Variants in DDX17 observed in about 807,000 individuals in gnomAD.
DDX17 encodes DEAD-box helicase 17.
A neutral mutation model predicts 80.8 loss-of-function variants in DDX17; 10 were observed. The observed-to-expected ratio is 0.12, with a 90% CI of 0.08 to 0.21. The LOEUF is 0.21. Ranked by LOEUF, DDX17 falls within the 10% of genes least tolerant of loss-of-function variation. The pLI is 1.00. For synonymous variants in DDX17, 339 were observed against 336.2 expected, an observed-to-expected ratio of 1.01 and a Z score of -0.09; for missense variants, 586 against 957.4, an observed-to-expected ratio of 0.61 and a Z score of 5.12.
chr22:38,490,596 G>T, intron 11 of DDX17: 1 of 542,750 alleles, frequency 1.8e-6, no homozygotes, highest in Non-Finnish European at 2.8e-6. Flanking sequence ...TTACCTGAAG[G>T]GAACATTTAA....
intron 11 of DDX17, chr22:38,490,472 TTA>T (rs1367826887): frequency 1.4e-5 from 18 of 1,286,418 alleles, no homozygotes; most frequent in Non-Finnish European, 1.7e-5. Context: ...TTCAATACTT[TTA>T]GTTTAACAGT....
chr22:38,500,725 T>C (rs904837806), intron 2 of DDX17, among the ~76,000 whole-genome samples: 11 of 144,730 alleles, frequency 7.6e-5, no homozygotes, highest in South Asian at 2.1e-4. Context: ...GCTGAGGCAG[T>C]AGAATCGCTT....
intron 5 of DDX17, 42 bp from the exon 6 acceptor site, chr22:38,495,979 TAAA>T (rs201173235): frequency 3.8e-3 from 3,045 of 798,898 alleles, no homozygotes; most frequent in East Asian, 6.6e-3. Flanking sequence ...ATCCAAGGTT[TAAA>T]AAAAAAAAAA....
chr22:38,505,000 C>T (rs753649998), intron 1 of DDX17, among the ~76,000 whole-genome samples: 1 of 152,330 alleles, frequency 6.6e-6, no homozygotes, highest in Middle Eastern at 3.4e-3. Context: ...CCTCCTCCCC[C>T]CGGGTTCAAG....
At chr22:38,500,317 C>G (rs1427614912) in intron 2 of DDX17, among the ~76,000 whole-genome samples, 1 of 152,008 alleles carries the variant, frequency 6.6e-6, no homozygotes, top group African/African-American at 2.4e-5. Flanking sequence ...TTAAACTGGT[C>G]CCCTTTTATG....
intron 8 of DDX17, chr22:38,494,382 GAC>G (rs914006029): frequency 1.7e-6 from 1 of 595,308 alleles, no homozygotes; most frequent in African/African-American, 1.9e-5. Flanking sequence ...GCAGCACCAA[GAC>G]ACAAAATTGT....
chr22:38,495,003 G>A lies in DDX17; in HGVS notation c.924C>T (p.Phe308=). The A allele has an allele frequency of 6.2e-7, 1 of 1,614,086 alleles. No individual in the cohort carries two copies. Among genetic ancestry groups the A allele is most frequent in the Non-Finnish European group, 8.5e-7 (1 of 1,180,028 alleles). ...GAAGATTTGTCTTTCCTGACTCCAG[G>A]AAATCTATCAGACGTCCAGGAGTGG... Residue 308 remains phenylalanine, a synonymous_variant, in exon 7 of 13, where the codon TTC becomes TTT. Coordinates refer to ENST00000403230, the MANE Select transcript of DDX17 (RefSeq NM_006386.5).
Position 38,485,688 on chromosome 22 carries a change from ATATATATTT to A in DDX17, c.*238_*246del. ...CTCTTCCAGTCAGCTATATATATAT[ATATATATTT>A]TTTTTTTTTTTACAAAATGTTATTC... On this transcript the variant is annotated 3_prime_UTR_variant, in exon 13 of 13. Transcript: ENST00000403230. 3.5e-5 allele frequency: 2 copies of A among 57,092 alleles called. No homozygotes were observed. Among genetic ancestry groups the A allele is most frequent in the South Asian group, 2.2e-4 (1 of 4,446 alleles). 3.5% of individuals were successfully genotyped at this position (57,092 alleles called of 1,614,324 possible). A position where few individuals can be genotyped will look rare whatever the true frequency, so the allele number is the denominator to read the frequency against.
At chr22:38,504,417 G>C (rs1286813130) in intron 1 of DDX17, among the ~76,000 whole-genome samples, 1 of 152,110 alleles carries the variant, frequency 6.6e-6, no homozygotes, top group African/African-American at 2.4e-5. Context: ...CCTGTGCAAG[G>C]ATTTCTCTAG....
Position 38,489,503 on chromosome 22 carries a change from G to A in DDX17, c.1448-1388C>T. ...TCAGGTCCTCCAACGCCTCCCCCAAGGATAATTGGGGTGATTGTAGAAAAA... is the reference window on the plus strand; with the variant it reads ...TCAGGTCCTCCAACGCCTCCCCCAAAGATAATTGGGGTGATTGTAGAAAAA... On this transcript the variant is annotated intron_variant, in intron 11 of 12. Coordinates refer to ENST00000403230, the MANE Select transcript of DDX17 (RefSeq NM_006386.5). This position sits in a 1 kb window ranked among gnomAD's most constrained non-coding sequence, Gnocchi z 4.6. The A allele has an allele frequency of 2.0e-6, 2 of 985,246 alleles. No individual in the cohort carries two copies. The highest frequency in any genetic ancestry group is 4.7e-5 in the South Asian group (1 of 21,260). The allele number at this position is 985,246 out of a possible 1,614,324, so 61.0% of individuals were successfully genotyped here.
intron 1 of DDX17, 87 bp downstream of exon 1, chr22:38,505,864 C>G: frequency 6.8e-7 from 1 of 1,469,324 alleles, no homozygotes; most frequent in East Asian, 2.6e-5. Flanking sequence ...GAGAGCAAGG[C>G]TCCCAGGCTC....
In DDX17 at chr22:38,499,520, A is replaced by T. The variant is rs770284438; in HGVS notation, c.439-21T>A. The T allele has an allele frequency of 1.6e-5, 19 of 1,200,754 alleles. No individual in the cohort carries two copies. In the African/African-American group the frequency reaches 3.0e-4, roughly 19 times the overall value. The allele number at this position is 1,200,754 out of a possible 1,614,324, so 74.4% of individuals were successfully genotyped here. On this transcript the variant is annotated intron_variant, in intron 2 of 12. Coordinates refer to ENST00000403230, the MANE Select transcript of DDX17 (RefSeq NM_006386.5). Reference sequence around the variant, plus strand: ...TCATACTATTGAAAAAAAATGAAAGAAGTTAGTAAACTAGTTATTCTAAAC... The same window carrying T: ...TCATACTATTGAAAAAAAATGAAAGTAGTTAGTAAACTAGTTATTCTAAAC...
At position 38,486,200 on chromosome 22, in the gene DDX17, G is replaced by A. The variant is rs1310120906; in HGVS notation, c.1925C>T (p.Ala642Val). 1.2e-6 allele frequency: 2 copies of A among 1,613,870 alleles called. No homozygotes were observed. The highest frequency in any genetic ancestry group is 1.7e-6 in the Non-Finnish European group (2 of 1,179,866). ...ATAGCTACTGGTGCCATAAGCAGCT[G>A]CCCCATAGGTGCCTTGACCATAGGT... The change falls in exon 13 of 13, where the codon GCA (alanine) becomes GTA (valine). Residue 642 changes from alanine (A) to valine (V), a missense_variant. This residue lies in a region of DDX17 where 221 missense variants were observed against 261.4 expected (regional missense o/e 0.85). Coordinates refer to ENST00000403230, the MANE Select transcript of DDX17 (RefSeq NM_006386.5).
chr22:38,496,070 G>A, intron 5 of DDX17, 133 bp from the exon 6 acceptor site: 2 of 743,490 alleles, frequency 2.7e-6, no homozygotes, highest in Non-Finnish European at 3.9e-6. Flanking sequence ...GTGATGGGGT[G>A]AAGATCAGAA....
At chr22:38,494,333 T>C (rs1295939084) in intron 8 of DDX17, 6 of 591,876 alleles carry the variant, frequency 1.0e-5, no homozygotes, top group African/African-American at 3.7e-5. Flanking sequence ...GCAAGTCTCA[T>C]GTAAGTGGTA....
chr22:38,498,262 C>A, intron 4 of DDX17, 112 bp from the exon 5 acceptor site: 4 of 1,407,838 alleles, frequency 2.8e-6, no homozygotes, highest in Middle Eastern at 1.9e-4. Flanking sequence ...CAGAACTTAC[C>A]ACTGCTATAT....
In DDX17 at chr22:38,489,883, C is replaced by A; in HGVS notation, c.1448-1768G>T. On this transcript the variant is annotated intron_variant, in intron 11 of 12. Transcript: ENST00000403230. This position sits in a 1 kb window ranked among gnomAD's most constrained non-coding sequence, Gnocchi z 4.6. ...ATTCTACTCCATGGTATCTTCAGAG[C>A]TAGGATAATGCTCCTTATGCAATCC... 3 of 986,424 alleles carry A rather than the reference C, an allele frequency of 3.0e-6. No individual in the cohort carries two copies. The highest frequency in any genetic ancestry group is 3.6e-6 in the Non-Finnish European group (3 of 830,652). The allele number at this position is 986,424 out of a possible 1,614,324, so 61.1% of individuals were successfully genotyped here. A position where few individuals can be genotyped will look rare whatever the true frequency, so the allele number is the denominator to read the frequency against.
chr22:38,500,268 A>G (rs2089814292), intron 2 of DDX17, among the ~76,000 whole-genome samples: 1 of 152,174 alleles, frequency 6.6e-6, no homozygotes, highest in Non-Finnish European at 1.5e-5. Flanking sequence ...TAAACAGATT[A>G]GTAAGCATTA....
chr22:38,493,174 G>A lies in DDX17; in HGVS notation c.1387+536C>T, dbSNP rs560153372. On this transcript the variant is annotated intron_variant, in intron 10 of 12. Coordinates refer to ENST00000403230, the MANE Select transcript of DDX17 (RefSeq NM_006386.5). ...ACGCCTATTTTTGCAAATAAATATT[G>A]TCTGAACATAGCCACGTTTATCTCT... Among the ~76,000 whole-genome samples the A allele has an allele frequency of 5.9e-5, 9 of 152,226 alleles. No homozygotes were observed. In the South Asian group the frequency reaches 1.9e-3, roughly 32 times the overall value.
Sources: gnomAD v4.1 joint callset for allele counts (sites outside exome capture counted in the v4.1 genomes callset) on GRCh38, gnomAD v4.1.1 for gene constraint, gnomAD v4.1.1 regional missense constraint, Gnocchi (gnomAD v3.1) non-coding constraint, MANE v1.5 for transcripts, NCBI Gene and HGNC (gene_info 2026-07-23, HGNC 2026-07-21) for gene names.